CUL1: variants seen among roughly 807,000 people sequenced by gnomAD.
CUL1 encodes cullin-1.
CUL1 carries 24 observed loss-of-function variants against 118.0 expected under a neutral mutation model. The observed-to-expected ratio is 0.20, with a 90% CI of 0.15 to 0.29. The LOEUF is 0.29. CUL1 is among the 10% of genes least tolerant of loss of function. The pLI, the probability that CUL1 is intolerant of heterozygous loss-of-function variation, is 1.00. For synonymous variants in CUL1, 332 were observed against 340.4 expected (o/e 0.98, Z 0.27); for missense variants, 361 against 933.8 (o/e 0.39, Z 7.99).
At chr7:148,700,996 G>A (rs1275339665) in intron 1 of CUL1, among the ~76,000 whole-genome samples, 2 of 152,060 alleles carry the variant, frequency 1.3e-5, no homozygotes, top group African/African-American at 4.8e-5. Context: ...GCCACTTACT[G>A]AATATTATCT....
At chr7:148,768,583 C>A (rs369644679) in intron 9 of CUL1, among the ~76,000 whole-genome samples, 144 of 152,116 alleles carry the variant, frequency 9.5e-4, no homozygotes, top group African/African-American at 3.4e-3. Flanking sequence ...CAGGGTTTCG[C>A]TGTGTTGGCC....
chr7:148,775,339 G>A (rs1332851816), intron 9 of CUL1, among the ~76,000 whole-genome samples: 1 of 152,198 alleles, frequency 6.6e-6, no homozygotes, highest in East Asian at 1.9e-4. Flanking sequence ...GTTCAAAGGA[G>A]ATAGGATACA....
chr7:148,796,025 A>G (rs548447339), intron 17 of CUL1, among the ~76,000 whole-genome samples: 1 of 152,078 alleles, frequency 6.6e-6, no homozygotes, highest in South Asian at 2.1e-4. Flanking sequence ...AATTTGTGGC[A>G]AGAACAAGCA....
intron 1 of CUL1, among the ~76,000 whole-genome samples, chr7:148,726,409 T>A (rs1238093190): frequency 6.6e-6 from 1 of 152,164 alleles, no homozygotes; most frequent in Non-Finnish European, 1.5e-5. Context: ...AAGGGCTTTC[T>A]TAAATTTCAA....
At chr7:148,768,765 A>G (rs1390037361) in intron 9 of CUL1, among the ~76,000 whole-genome samples, 1 of 152,148 alleles carries the variant, frequency 6.6e-6, no homozygotes, top group African/African-American at 2.4e-5. Flanking sequence ...ATTGTGCTTA[A>G]TGATTATTTT....
chr7:148,713,993 TACAGGCGTGAGCC>T (rs1375904530), intron 1 of CUL1, among the ~76,000 whole-genome samples: 1 of 152,198 alleles, frequency 6.6e-6, no homozygotes, highest in East Asian at 1.9e-4. Flanking sequence ...GTTCTGGGAT[TACAGGCGTGAGCC>T]ACCACGCCTG....
chr7:148,744,969 A>G (rs752887398), intron 2 of CUL1, among the ~76,000 whole-genome samples: 5 of 152,006 alleles, frequency 3.3e-5, no homozygotes, highest in African/African-American at 4.8e-5. Context: ...ATGAGAAGTT[A>G]CTGGTCATGT....
At chr7:148,757,299 CTT>C in intron 4 of CUL1, 149 bp downstream of exon 4, 1 of 452,044 alleles carries the variant, frequency 2.2e-6, no homozygotes, top group Non-Finnish European at 3.7e-6. Flanking sequence ...ATAAATGTCA[CTT>C]AAATATTTTT....
At chr7:148,783,246 C>T (rs531545222) in intron 9 of CUL1, 9 of 801,430 alleles carry the variant, frequency 1.1e-5, no homozygotes, top group African/African-American at 1.9e-5. Context: ...CCGCGCTCCG[C>T]CCCTCTTCCC....
chr7:148,780,574 G>A (rs1406012673), intron 9 of CUL1, among the ~76,000 whole-genome samples: 2 of 152,190 alleles, frequency 1.3e-5, no homozygotes, highest in East Asian at 1.9e-4. Flanking sequence ...CAGGCCATTC[G>A]TGACATAGGC....
At chr7:148,707,377 A>C (rs1289209014) in intron 1 of CUL1, among the ~76,000 whole-genome samples, 3 of 152,174 alleles carry the variant, frequency 2.0e-5, no homozygotes, top group Non-Finnish European at 2.9e-5. Context: ...TTAAATCCTA[A>C]ATACTATCAG....
At chr7:148,759,422 T>C in intron 5 of CUL1, 68 bp downstream of exon 5, 1 of 1,546,062 alleles carries the variant, frequency 6.5e-7, no homozygotes, top group African/African-American at 1.4e-5. Flanking sequence ...GCTTAGCTTT[T>C]GTCTCGTCAC....
chr7:148,764,056 C>T (rs988461173), intron 7 of CUL1, among the ~76,000 whole-genome samples: 3 of 152,138 alleles, frequency 2.0e-5, no homozygotes, highest in Non-Finnish European at 4.4e-5. Flanking sequence ...CTGATCTGAG[C>T]TACAGAAACT....
chr7:148,773,043 GC>G (rs772086608), intron 9 of CUL1, among the ~76,000 whole-genome samples: 7 of 151,750 alleles, frequency 4.6e-5, no homozygotes, highest in Non-Finnish European at 1.0e-4. Flanking sequence ...CTCCCAAATG[GC>G]CCCACATCTC....
chr7:148,790,747 T>C (rs1421115505), intron 16 of CUL1, among the ~76,000 whole-genome samples: 1 of 152,222 alleles, frequency 6.6e-6, no homozygotes, highest in Non-Finnish European at 1.5e-5. Context: ...TTGGCACCGC[T>C]CCTGCCTGAC....
At chr7:148,792,251 T>C (rs1053224944) in intron 16 of CUL1, among the ~76,000 whole-genome samples, 3 of 152,230 alleles carry the variant, frequency 2.0e-5, no homozygotes, top group Non-Finnish European at 4.4e-5. Context: ...TTTTTCATAC[T>C]TTCATAGTAA....
intron 1 of CUL1, among the ~76,000 whole-genome samples, chr7:148,704,337 T>C (rs1797816803): frequency 6.6e-6 from 1 of 152,210 alleles, no homozygotes; most frequent in South Asian, 2.1e-4. Flanking sequence ...GGTGAAGGTA[T>C]GGAGAAATGA....
intron 1 of CUL1, among the ~76,000 whole-genome samples, chr7:148,726,301 G>A (rs116771906): frequency 0.014 from 2,119 of 152,058 alleles, 49 homozygotes; most frequent in African/African-American, 0.048. Flanking sequence ...TTTTAACTTT[G>A]CTAGAGGATA....
At chr7:148,712,990 G>T (rs77906350) in intron 1 of CUL1, among the ~76,000 whole-genome samples, 1,537 of 152,140 alleles carry the variant, frequency 0.01, 26 homozygotes, top group African/African-American at 0.035. Flanking sequence ...ACTTAACCTT[G>T]TTACATTCTA....
Sources: allele counts gnomAD v4.1 joint callset (sites outside exome capture counted in the v4.1 genomes callset), GRCh38; gene constraint gnomAD v4.1.1; transcripts MANE v1.5; gene names NCBI Gene and HGNC (gene_info 2026-07-23, HGNC 2026-07-21).